The following ERICH3 variants were observed in gnomAD, a reference collection of about 807,000 sequenced individuals.
ERICH3 encodes the protein glutamate-rich protein 3.
Under a neutral mutation model 131.1 loss-of-function variants are expected in ERICH3, and 126 were observed. The ratio of observed to expected loss-of-function variants is 0.96; its 90% CI spans 0.83 to 1.11. The LOEUF (loss-of-function observed/expected upper bound fraction) is 1.11, where lower values mean the gene tolerates loss of function less well. Ranked by LOEUF, ERICH3 falls within the 50% of genes most tolerant of loss-of-function variation. ERICH3 has a pLI of 0.00. For missense variants in ERICH3, 2,050 were observed against 1,810.7 expected, an observed-to-expected ratio of 1.13 and a Z score of -2.40; for synonymous variants, 695 against 644.6, an observed-to-expected ratio of 1.08 and a Z score of -1.18.
At chr1:74,653,886 G>C (rs375635696) in intron 1 of ERICH3, among the ~76,000 whole-genome samples, 1 of 152,074 alleles carries the variant, frequency 6.6e-6, no homozygotes, top group East Asian at 1.9e-4. Flanking sequence ...GCCAACTCTA[G>C]CTTCAGTTCA....
rs1646894051 is a variant in ERICH3, at chr1:74,568,210, G to A, written c.*2248C>T. ...AAGTAATTTTATCAACATAGTATTTGCAGAGAAAGAATTCACTTATTCAAA... is the reference window on the plus strand; with the variant it reads ...AAGTAATTTTATCAACATAGTATTTACAGAGAAAGAATTCACTTATTCAAA... On this transcript the variant is annotated 3_prime_UTR_variant, in exon 15 of 15. Transcript: ENST00000326665. 6.6e-6 allele frequency: 1 copy of A among 152,130 alleles called. No homozygotes were observed. The highest frequency in any genetic ancestry group is 1.5e-5 in the Non-Finnish European group (1 of 67,992). The allele number at this position is 152,130 out of a possible 1,614,324, so 9.4% of individuals were successfully genotyped here.
intron 10 of ERICH3, among the ~76,000 whole-genome samples, chr1:74,600,854 A>G (rs1648097124): frequency 6.6e-6 from 1 of 151,764 alleles, no homozygotes; most frequent in Non-Finnish European, 1.5e-5. Flanking sequence ...GAGAGAATAA[A>G]TGTTTCTCAA....
At position 74,653,566 on chromosome 1, in the gene ERICH3, C is replaced by T. The variant is rs558226224; in HGVS notation, c.24-4251G>A. On this transcript the variant is annotated intron_variant, in intron 1 of 14. Transcript: ENST00000326665. ...GGGGAAGGAGTGTAATATCCATATTCCATTTTGCAGATTACAAAGCACTCT... is the reference window on the plus strand; with the variant it reads ...GGGGAAGGAGTGTAATATCCATATTTCATTTTGCAGATTACAAAGCACTCT... Among the ~76,000 whole-genome samples, 7 of 152,184 alleles carry T rather than the reference C, an allele frequency of 4.6e-5. No homozygotes were observed. In the South Asian group the frequency reaches 1.5e-3, roughly 32 times the overall value.
Position 74,572,475 on chromosome 1 carries a change from C to T in ERICH3, c.3235G>A (p.Glu1079Lys), listed in dbSNP as rs1646971420. Reference sequence around the variant, plus strand: ...TTGAGTGCATTTGCCCTTGTCACCTCTTCTCTCTCAGAGTCAGTTTTCCTC... The same window carrying T: ...TTGAGTGCATTTGCCCTTGTCACCTTTTCTCTCTCAGAGTCAGTTTTCCTC... ...SLRKTDSERE[E>K]VTRANALKDE... The change falls in exon 14 of 15, where the codon GAG (glutamate) becomes AAG (lysine). Residue 1079 changes from glutamate (E) to lysine (K), a missense_variant. Physicochemically the swap from Glu to Lys is moderately conservative, Grantham distance 56 (BLOSUM62 1). Coordinates refer to ENST00000326665, the MANE Select transcript of ERICH3 (RefSeq NM_001002912.5). 5 of 1,614,154 alleles carry T rather than the reference C, an allele frequency of 3.1e-6. No individual in the cohort carries two copies. Among genetic ancestry groups the T allele is most frequent in the Non-Finnish European group, 4.2e-6 (5 of 1,180,030 alleles).
At position 74,572,212 on chromosome 1, in the gene ERICH3, C is replaced by T. The variant is rs200380141; in HGVS notation, c.3498G>A (p.Ser1166=). Residue 1166 remains serine, a synonymous_variant, in exon 14 of 15, where the codon TCG becomes TCA. Coordinates refer to ENST00000326665, the MANE Select transcript of ERICH3 (RefSeq NM_001002912.5). The part of the protein sequence containing the change: ...IFEATPGFEK[S]LENITALRKE... ...TCCTCAGAGCTGTTATGTTTTCCAG[C>T]GACTTTTCAAATCCAGGCGTTGCTT... is the stretch of plus-strand genomic sequence containing the variant. 120 of 1,614,038 alleles carry T rather than the reference C, an allele frequency of 7.4e-5. 1 individual carries two copies. In the Middle Eastern group the frequency reaches 9.9e-4, roughly 13 times the overall value.
At chr1:74,661,127 C>T (rs1228253649) in intron 1 of ERICH3, among the ~76,000 whole-genome samples, 1 of 151,974 alleles carries the variant, frequency 6.6e-6, no homozygotes, top group Non-Finnish European at 1.5e-5. Flanking sequence ...CTCCTAAGTG[C>T]CCTAAAATGT....
intron 7 of ERICH3, among the ~76,000 whole-genome samples, chr1:74,628,177 T>A (rs1260950822): frequency 6.6e-6 from 1 of 152,138 alleles, no homozygotes; most frequent in Non-Finnish European, 1.5e-5. Context: ...CTTTAGTAAA[T>A]CATCTATCAG....
chr1:74,659,335 T>C (rs958480158), intron 1 of ERICH3, among the ~76,000 whole-genome samples: 14 of 152,244 alleles, frequency 9.2e-5, no homozygotes, highest in African/African-American at 2.6e-4. Context: ...TGTGTGTGTG[T>C]GTGTGTGTGT....
intron 10 of ERICH3, 142 bp downstream of exon 10, chr1:74,606,459 A>G (rs546061151): frequency 2.5e-6 from 2 of 805,914 alleles, no homozygotes; most frequent in East Asian, 5.3e-5. Context: ...ACAAAACAGC[A>G]AAGGAAGGAG....
intron 8 of ERICH3, among the ~76,000 whole-genome samples, chr1:74,614,382 A>C (rs1033675662): frequency 5.2e-4 from 78 of 151,292 alleles, no homozygotes; most frequent in African/African-American, 1.8e-3. Flanking sequence ...AAAAAAAAAA[A>C]AAAAAAACTC....
intron 13 of ERICH3, among the ~76,000 whole-genome samples, chr1:74,576,590 T>C (rs924143586): frequency 6.6e-6 from 1 of 152,194 alleles, no homozygotes; most frequent in Non-Finnish European, 1.5e-5. Context: ...TCTTCTGCCA[T>C]GATCCATAAA....
At chr1:74,609,158 T>C (rs1648540891) in intron 9 of ERICH3, among the ~76,000 whole-genome samples, 1 of 152,034 alleles carries the variant, frequency 6.6e-6, no homozygotes, top group African/African-American at 2.4e-5. Context: ...CAATTGAAAA[T>C]TACTACGCCT....
Position 74,620,890 on chromosome 1 carries a change from A to G in ERICH3, c.844T>C (p.Ser282Pro). 4 of 1,600,460 alleles carry G rather than the reference A, an allele frequency of 2.5e-6. No individual in the cohort carries two copies. Among genetic ancestry groups the G allele is most frequent in the Non-Finnish European group, 3.4e-6 (4 of 1,174,566 alleles). The change falls in exon 8 of 15, where the codon TCC becomes CCC. Residue 282 changes from serine (S) to proline (P), a missense_variant. Ser to Pro is a moderately conservative substitution (Grantham distance 74). Transcript: ENST00000326665. ...GTAATAGCTGCATTACTATGTAAGG[A>G]TGTTTTATGAATCCTTCTTGAATCC... ...TKDSRRIHKTSLHSNAAITMI... is the reference protein window; with the variant it reads ...TKDSRRIHKTPLHSNAAITMI...
intron 11 of ERICH3, among the ~76,000 whole-genome samples, chr1:74,599,271 A>G (rs1648004387): frequency 6.6e-6 from 1 of 151,936 alleles, no homozygotes; most frequent in African/African-American, 2.4e-5. Context: ...ATAGTTACAG[A>G]GACATTTGTT....
rs78685293 is a variant in ERICH3 at position 74,618,805 on chromosome 1, G to A, written c.1000+1929C>T. Among the ~76,000 whole-genome samples the A allele has an allele frequency of 2.2e-3, 338 of 152,262 alleles. 4 individuals carry two copies. Among genetic ancestry groups the A allele is most frequent in the African/African-American group, 7.5e-3 (313 of 41,536 alleles). ...GTTACTTCTAATAAAAAGGCAAGAC[G>A]AATTAACGAAAGCCAAATCTTAATG... On this transcript the variant is annotated intron_variant, in intron 8 of 14. Transcript: ENST00000326665.
intron 12 of ERICH3, chr1:74,577,640 G>C (rs527270012): frequency 6.6e-6 from 1 of 152,170 alleles, no homozygotes; most frequent in African/African-American, 2.4e-5. Context: ...CAACTCCCAA[G>C]CTATGATTTC....
At chr1:74,620,324 T>C (rs1021401221) in intron 8 of ERICH3, among the ~76,000 whole-genome samples, 4 of 152,346 alleles carry the variant, frequency 2.6e-5, no homozygotes, top group Middle Eastern at 6.8e-3. Context: ...TTATTGGATT[T>C]GTGATTTTAT....
At chr1:74,579,688 T>C (rs982626352) in intron 12 of ERICH3, 2 of 984,982 alleles carry the variant, frequency 2.0e-6, no homozygotes, top group Non-Finnish European at 2.4e-6. Flanking sequence ...TAACCTCAAC[T>C]GTTTTCCACC....
Position 74,673,533 on chromosome 1 carries a change from C to T in ERICH3, c.-14G>A, listed in dbSNP as rs371242062. On this transcript the variant is annotated 5_prime_UTR_variant, in exon 1 of 15. Transcript: ENST00000326665. ...AGAATGGCTCATTTTTGCAGGATCC[C>T]TTTTGGACCCCGCGGCAGGTGCGGA... 46 of 1,611,488 alleles carry T rather than the reference C, an allele frequency of 2.9e-5. No individual in the cohort carries two copies. Among genetic ancestry groups the T allele is most frequent in the Non-Finnish European group, 3.9e-5 (46 of 1,179,118 alleles).
Sources: gnomAD v4.1 joint callset for allele counts (sites outside exome capture counted in the v4.1 genomes callset) on GRCh38, gnomAD v4.1.1 for gene constraint, MANE v1.5 for transcripts, NCBI Gene and HGNC (gene_info 2026-07-23, HGNC 2026-07-21) for gene names.